METAP2: variants seen among roughly 807,000 people sequenced by gnomAD.
METAP2 encodes methionyl aminopeptidase 2.
METAP2 carries 25 observed loss-of-function variants against 59.4 expected under a neutral mutation model. That is an observed-to-expected ratio of 0.42 (90% CI 0.31 to 0.59). The LOEUF is 0.59. Ranked by LOEUF, METAP2 falls within the 20% of genes least tolerant of loss-of-function variation. The pLI, the probability that METAP2 is intolerant of heterozygous loss-of-function variation, is 0.16. For synonymous variants in METAP2, 214 were observed against 194.1 expected (o/e 1.10, Z -0.85); for missense variants, 366 against 581.2 (o/e 0.63, Z 3.81).
chr12:95,483,475 CAAAAAAAAAA>C (rs141083015), intron 3 of METAP2, 195 bp downstream of exon 3: 8 of 66,664 alleles, frequency 1.2e-4, no homozygotes, highest in South Asian at 5.0e-4. Context: ...GACTCTGTCT[CAAAAAAAAAA>C]AAAAAAAAAA....
At chr12:95,479,420 A>G (rs1339491463) in intron 2 of METAP2, among the ~76,000 whole-genome samples, 2 of 152,088 alleles carry the variant, frequency 1.3e-5, no homozygotes, top group African/African-American at 4.8e-5. Flanking sequence ...AGCCAGTTAG[A>G]CATTGGGGGA....
intron 4 of METAP2, among the ~76,000 whole-genome samples, chr12:95,487,428 A>G (rs2076205405): frequency 6.6e-6 from 1 of 152,142 alleles, no homozygotes; most frequent in South Asian, 2.1e-4. Flanking sequence ...AAAGTTCTGG[A>G]ATTGTATGAC....
intron 8 of METAP2, among the ~76,000 whole-genome samples, chr12:95,511,477 C>T (rs897831847): frequency 4.7e-5 from 7 of 149,394 alleles, no homozygotes; most frequent in Non-Finnish European, 8.9e-5. Context: ...CGGCAACCTC[C>T]GCTTCCCGGG....
At chr12:95,486,803 C>A (rs1431609510) in intron 4 of METAP2, among the ~76,000 whole-genome samples, 1 of 152,054 alleles carries the variant, frequency 6.6e-6, no homozygotes, top group Admixed American at 6.6e-5. Context: ...AGCCAATATA[C>A]CATTATTAAA....
chr12:95,484,793 T>C (rs754440473), intron 3 of METAP2: 3 of 447,918 alleles, frequency 6.7e-6, no homozygotes, highest in Middle Eastern at 6.6e-4. Flanking sequence ...CATTGTGACC[T>C]GTGCAAATAA....
chr12:95,477,676 T>TACC (rs2076130399), intron 2 of METAP2, among the ~76,000 whole-genome samples: 1 of 152,184 alleles, frequency 6.6e-6, no homozygotes, highest in Non-Finnish European at 1.5e-5. Flanking sequence ...GAACATCTGC[T>TACC]CCCCCTCAAG....
At chr12:95,500,009 AGAG>A in intron 7 of METAP2, among the ~76,000 whole-genome samples, 1 of 152,284 alleles carries the variant, frequency 6.6e-6, no homozygotes, top group East Asian at 1.9e-4. Context: ...TTACAATTCG[AGAG>A]GAGATTTGGG....
At chr12:95,495,897 T>C in intron 6 of METAP2, 107 bp from the exon 7 acceptor site, 1 of 689,330 alleles carries the variant, frequency 1.5e-6, no homozygotes, top group East Asian at 2.5e-5. Flanking sequence ...ATTTGAGCCT[T>C]CATTCTATTT....
intron 8 of METAP2, among the ~76,000 whole-genome samples, chr12:95,504,622 C>T (rs1360518949): frequency 1.3e-5 from 2 of 152,196 alleles, no homozygotes; most frequent in Non-Finnish European, 1.5e-5. Flanking sequence ...CCCACCTTAG[C>T]CCTCCCGGGT....
intron 9 of METAP2, 101 bp downstream of exon 9, chr12:95,512,099 C>T (rs1277134514): frequency 4.0e-6 from 3 of 756,014 alleles, no homozygotes; most frequent in African/African-American, 3.5e-5. Flanking sequence ...CCAGAATTAG[C>T]TGCTTATCAT....
intron 1 of METAP2, among the ~76,000 whole-genome samples, chr12:95,475,405 C>T (rs966966266): frequency 6.6e-6 from 1 of 152,144 alleles, no homozygotes; most frequent in Non-Finnish European, 1.5e-5. Context: ...TGCTGTTTGT[C>T]TTGTAAGGTG....
intron 4 of METAP2, among the ~76,000 whole-genome samples, chr12:95,490,862 G>A (rs1286012860): frequency 2.6e-5 from 4 of 151,998 alleles, no homozygotes; most frequent in African/African-American, 9.7e-5. Context: ...TTTCCTTGTT[G>A]GGGGTTAAAC....
chr12:95,483,305 T>C (rs2076172544), intron 3 of METAP2, 25 bp downstream of exon 3: 1 of 1,555,844 alleles, frequency 6.4e-7, no homozygotes, highest in African/African-American at 1.4e-5. Flanking sequence ...TTAATGTTAA[T>C]TGATATATTA....
chr12:95,485,794 C>A, intron 3 of METAP2, 85 bp from the exon 4 acceptor site: 1 of 868,694 alleles, frequency 1.2e-6, no homozygotes, highest in Non-Finnish European at 1.7e-6. Context: ...GAACATATAA[C>A]AACCATTAGG....
chr12:95,506,749 CTCTT>C (rs1299168186), intron 8 of METAP2, among the ~76,000 whole-genome samples: 1 of 151,870 alleles, frequency 6.6e-6, no homozygotes, highest in African/African-American at 2.4e-5. Flanking sequence ...TTCAGATATT[CTCTT>C]TAAGATCTCT....
intron 7 of METAP2, among the ~76,000 whole-genome samples, chr12:95,498,043 G>A (rs2076287948): frequency 6.6e-6 from 1 of 151,436 alleles, no homozygotes; most frequent in African/African-American, 2.4e-5. Flanking sequence ...TGAGGCAGGA[G>A]AATGGCGTGA....
intron 3 of METAP2, among the ~76,000 whole-genome samples, chr12:95,485,389 C>G (rs541852805): frequency 6.6e-6 from 1 of 152,186 alleles, no homozygotes; most frequent in East Asian, 1.9e-4. Context: ...GTGATAAATA[C>G]TTTGACAAAA....
intron 8 of METAP2, 106 bp downstream of exon 8, chr12:95,504,267 G>T: frequency 1.3e-6 from 1 of 746,340 alleles, no homozygotes; most frequent in Middle Eastern, 3.5e-4. Context: ...GTAATTCAAG[G>T]AAAGAAGACG....
At chr12:95,482,603 A>C (rs1370946341) in intron 2 of METAP2, among the ~76,000 whole-genome samples, 1 of 144,542 alleles carries the variant, frequency 6.9e-6, no homozygotes, top group African/African-American at 2.6e-5. Flanking sequence ...ACATGGCGAA[A>C]CTCCATCTCT....
Sources: allele counts gnomAD v4.1 joint callset (sites outside exome capture counted in the v4.1 genomes callset), GRCh38; gene constraint gnomAD v4.1.1; transcripts MANE v1.5; gene names NCBI Gene and HGNC (gene_info 2026-07-23, HGNC 2026-07-21).